KCNH2: variants seen among roughly 807,000 people sequenced by gnomAD.
The protein encoded by KCNH2 is potassium voltage-gated channel subfamily H member 2.
In KCNH2, 35 loss-of-function variants were observed where a neutral mutation model predicts 95.9. The ratio of observed to expected loss-of-function variants is 0.37; its 90% CI spans 0.28 to 0.48. KCNH2 has a LOEUF of 0.48. Ranked by LOEUF, KCNH2 falls within the 20% of genes least tolerant of loss-of-function variation. The pLI is 0.99. For missense variants in KCNH2, 1,274 were observed against 1,702.9 expected (o/e 0.75, Z 4.43); for synonymous variants, 786 against 754.7 (o/e 1.04, Z -0.68).
At chr7:150,967,076 C>T (rs1048864064) in intron 2 of KCNH2, among the ~76,000 whole-genome samples, 7 of 152,084 alleles carry the variant, frequency 4.6e-5, no homozygotes, top group African/African-American at 1.7e-4. Flanking sequence ...GTCAGGAGTT[C>T]GAGACCATCC....
rs533294580 is a variant in KCNH2, at chr7:150,967,414, G to GT, written c.307+7296dup. ...CGCTAAGACATACGGAAGGCTATAG[G>GT]TTTTTGTTAAGCTATATCAATGCAA... On this transcript the variant is annotated intron_variant, in intron 2 of 14. Coordinates refer to ENST00000262186, the MANE Select transcript of KCNH2 (RefSeq NM_000238.4). Among the ~76,000 whole-genome samples the GT allele has an allele frequency of 1.3e-3, 195 of 152,322 alleles. 1 individual carries two copies. Among genetic ancestry groups the GT allele is most frequent in the African/African-American group, 4.4e-3 (181 of 41,568 alleles).
At position 150,948,488 on chromosome 7, in the gene KCNH2, C is replaced by G; in HGVS notation, c.2648G>C (p.Arg883Pro). Residue 883 changes from arginine (R) to proline (P), a missense_variant, in exon 11 of 15, where the codon CGG becomes CCG. Transcript: ENST00000262186. ...GSTELEGGFSRQRKRKLSFRR... is the reference protein window; with the variant it reads ...GSTELEGGFSPQRKRKLSFRR... ...GAAGGACAACTTGCGCTTGCGTTGC[C>G]GACTGAAGCCACCCTCTAACTCCGT... 2 of 1,612,998 alleles carry G rather than the reference C, an allele frequency of 1.2e-6. No individual in the cohort carries two copies. Among genetic ancestry groups the G allele is most frequent in the Non-Finnish European group, 1.7e-6 (2 of 1,179,946 alleles).
chr7:150,950,050 C>T (rs184216015), intron 9 of KCNH2, 118 bp downstream of exon 9: 11 of 1,609,858 alleles, frequency 6.8e-6, no homozygotes, highest in African/African-American at 2.7e-5. Flanking sequence ...TAAAGGAGCC[C>T]AGTGACCCTG....
chr7:150,977,742 G>T, intron 1 of KCNH2, 96 bp downstream of exon 1: 2 of 1,057,226 alleles, frequency 1.9e-6, no homozygotes, highest in Non-Finnish European at 2.7e-6. Flanking sequence ...CGCACTTGCC[G>T]ACGCACACGG....
At chr7:150,963,686 T>C (rs924118767) in intron 2 of KCNH2, among the ~76,000 whole-genome samples, 1 of 151,338 alleles carries the variant, frequency 6.6e-6, no homozygotes, top group Non-Finnish European at 1.5e-5. Flanking sequence ...CCAGTTCTGC[T>C]TCCTGGGCCC....
At chr7:150,965,846 A>T (rs1801689325) in intron 2 of KCNH2, among the ~76,000 whole-genome samples, 1 of 152,148 alleles carries the variant, frequency 6.6e-6, no homozygotes, top group Admixed American at 6.5e-5. Flanking sequence ...AGGTGGGGAC[A>T]GGCCATGTCC....
chr7:150,958,262 C>A lies in KCNH2; in HGVS notation c.713G>T (p.Gly238Val). Residue 238 changes from glycine to valine, a missense_variant, in exon 4 of 15, where the codon GGC becomes GTC. Physicochemically the swap from Gly to Val is moderately radical, Grantham distance 109. Transcript: ENST00000262186. ...AEERRALVGP[G>V]SPPRSAPGQL... Reference sequence around the variant, plus strand: ...GCCGGGCGCGCTGCGGGGCGGAGAGCCGGGACCCACCAGCGCACGCCGCTC... The same window carrying A: ...GCCGGGCGCGCTGCGGGGCGGAGAGACGGGACCCACCAGCGCACGCCGCTC... 2 of 1,442,152 alleles carry A rather than the reference C, an allele frequency of 1.4e-6. No homozygotes were observed. Among genetic ancestry groups the A allele is most frequent in the South Asian group, 1.4e-5 (1 of 72,968 alleles). 89.3% of individuals were successfully genotyped at this position (1,442,152 alleles called of 1,614,324 possible).
At chr7:150,951,885 G>A in intron 6 of KCNH2, 50 bp from the exon 7 acceptor site, 1 of 1,497,802 alleles carries the variant, frequency 6.7e-7, no homozygotes, top group South Asian at 1.3e-5. Context: ...AGGGGGGCAA[G>A]GGAGGAGGGG....
intron 10 of KCNH2, 61 bp downstream of exon 10, chr7:150,948,795 A>C: frequency 6.8e-7 from 1 of 1,473,998 alleles, no homozygotes; most frequent in Non-Finnish European, 9.5e-7. Context: ...TCACACAGCA[A>C]AGGGGCAGCC....
chr7:150,977,320 T>A (rs1317552881), intron 1 of KCNH2, among the ~76,000 whole-genome samples: 1 of 152,132 alleles, frequency 6.6e-6, no homozygotes, highest in Non-Finnish European at 1.5e-5. Flanking sequence ...GGGTGACACA[T>A]GGGCTCAGGG....
chr7:150,958,107 C>T lies in KCNH2; in HGVS notation c.868G>A (p.Ala290Thr), dbSNP rs532891158. The T allele has an allele frequency of 1.5e-6, 2 of 1,297,374 alleles. No homozygotes were observed. The highest frequency in any genetic ancestry group is 1.5e-5 in the African/African-American group (1 of 64,650). The allele number at this position is 1,297,374 out of a possible 1,614,324, so 80.4% of individuals were successfully genotyped here. Residue 290 changes from alanine to threonine, a missense_variant, in exon 4 of 15, where the codon GCC (alanine) becomes ACC (threonine). By Grantham distance (58) the Ala-to-Thr change is moderately conservative (BLOSUM62 0). Around this residue, in one of 7 missense-constraint regions of KCNH2, gnomAD observed 392 missense variants for 429.9 expected, o/e 0.91. Transcript: ENST00000262186. ...GGGGGCAGCACCCCGGCGCGCATGG[C>T]CTCGATGTCGTCGGCCGACGAGGCG... is the stretch of plus-strand genomic sequence containing the variant. ...RRASSADDIEAMRAGVLPPPP... is the reference protein window; with the variant it reads ...RRASSADDIETMRAGVLPPPP...
In KCNH2 at chr7:150,955,265, G is replaced by A. The variant is rs876087; in HGVS notation, c.1128+2026C>T. On this transcript the variant is annotated intron_variant, in intron 5 of 14. Transcript: ENST00000262186. ...AGCCAGGCGCGGGTGAGCAGGGCCA[G>A]GCCCCACGGCTCCCAAAGCTTCCTA... 2,775 of 934,434 alleles carry A rather than the reference G, an allele frequency of 3.0e-3. 67 individuals carry two copies. The East Asian group carries it at 0.044, about 15-fold the overall frequency. The allele number at this position is 934,434 out of a possible 1,614,324, so 57.9% of individuals were successfully genotyped here.
intron 2 of KCNH2, among the ~76,000 whole-genome samples, chr7:150,965,151 G>A (rs749205368): frequency 6.6e-5 from 10 of 151,990 alleles, no homozygotes; most frequent in Non-Finnish European, 1.3e-4. Flanking sequence ...CAGGTTGAGG[G>A]GCCCCAAGCT....
rs11462566 is a variant in KCNH2 at position 150,957,534 on chromosome 7, A to AG, written c.917-33dup. On this transcript the variant is annotated intron_variant, in intron 4 of 14. Coordinates refer to ENST00000262186, the MANE Select transcript of KCNH2 (RefSeq NM_000238.4). Reference sequence around the variant, plus strand: ...GGAGAGGCAGCGTGGTCAGGCCAGCAGCCCAGGGCCCCAGGCCAGGCAGGC... The same window carrying AG: ...GGAGAGGCAGCGTGGTCAGGCCAGCAGGCCCAGGGCCCCAGGCCAGGCAGGC... 1 allele frequency: 1,571,299 copies of AG among 1,571,340 alleles called. 785,629 individuals carry two copies. Among genetic ancestry groups the AG allele is most frequent in the Middle Eastern group, 1 (4,756 of 4,756 alleles).
intron 5 of KCNH2, chr7:150,955,638 G>T (rs1801345235): frequency 1.4e-6 from 2 of 1,424,136 alleles, no homozygotes; most frequent in Non-Finnish European, 1.8e-6. Flanking sequence ...AGCAGCCCCT[G>T]GCATGAAGCC....
At chr7:150,971,970 C>A (rs888643268) in intron 2 of KCNH2, among the ~76,000 whole-genome samples, 1 of 152,022 alleles carries the variant, frequency 6.6e-6, no homozygotes, top group Non-Finnish European at 1.5e-5. Flanking sequence ...CAGGGCCTTG[C>A]GGGGATGTTA....
At chr7:150,953,569 C>T (rs1801263857) in intron 5 of KCNH2, among the ~76,000 whole-genome samples, 1 of 150,400 alleles carries the variant, frequency 6.6e-6, no homozygotes. Context: ...AGCAGTGACA[C>T]ACACAGCCCC....
At chr7:150,956,738 AG>A (rs542127861) in intron 5 of KCNH2, among the ~76,000 whole-genome samples, 29 of 152,260 alleles carry the variant, frequency 1.9e-4, no homozygotes, top group African/African-American at 6.7e-4. Context: ...CCCATGCTTT[AG>A]GGACATAGTT....
intron 1 of KCNH2, among the ~76,000 whole-genome samples, chr7:150,977,400 C>A (rs1387063725): frequency 1.3e-5 from 2 of 152,182 alleles, no homozygotes; most frequent in East Asian, 3.8e-4. Context: ...TCAGTCCCTC[C>A]GGCACAACAC....
Sources: allele counts gnomAD v4.1 joint callset (sites outside exome capture counted in the v4.1 genomes callset), GRCh38; gene constraint gnomAD v4.1.1; regional missense constraint gnomAD v4.1.1; transcripts MANE v1.5; gene names NCBI Gene and HGNC (gene_info 2026-07-23, HGNC 2026-07-21).